The following FBXO34 variants were observed in gnomAD, a reference collection of about 807,000 sequenced individuals.
FBXO34 encodes F-box protein 34.
Under a neutral mutation model 24.5 loss-of-function variants are expected in FBXO34, and 12 were observed. That is an observed-to-expected ratio of 0.49 (90% CI 0.31 to 0.79). The LOEUF (loss-of-function observed/expected upper bound fraction) is 0.79, where lower values mean the gene tolerates loss of function less well. Ranked by LOEUF, FBXO34 falls within the 30% of genes least tolerant of loss-of-function variation. The pLI, the probability that FBXO34 is intolerant of heterozygous loss-of-function variation, is 0.04. For synonymous variants in FBXO34, 320 were observed against 311.9 expected, an observed-to-expected ratio of 1.03 and a Z score of -0.27; for missense variants, 823 against 857.7, an observed-to-expected ratio of 0.96 and a Z score of 0.51.
intron 1 of FBXO34, among the ~76,000 whole-genome samples, chr14:55,331,434 C>G (rs1247250800): frequency 6.6e-6 from 1 of 150,964 alleles, no homozygotes; most frequent in Non-Finnish European, 1.5e-5. Context: ...ATGTAATTTT[C>G]TAATTTCTAT....
intron 1 of FBXO34, among the ~76,000 whole-genome samples, chr14:55,295,585 G>A (rs192076372): frequency 1.4e-4 from 21 of 151,978 alleles, no homozygotes; most frequent in Non-Finnish European, 2.4e-4. Flanking sequence ...TAGTAGAGAC[G>A]GGGTTTTGCC....
chr14:55,339,384 C>CCCG (rs1555339082), intron 1 of FBXO34: 1 of 141,218 alleles, frequency 7.1e-6, no homozygotes, highest in South Asian at 2.6e-4. Context: ...ACCTGCCCCC[C>CCCG]CCCCCAATCC....
At chr14:55,427,034 T>C in the FBXO34 span, among the ~76,000 whole-genome samples, 1 of 152,200 alleles carries the variant, frequency 6.6e-6, no homozygotes, top group Non-Finnish European at 1.5e-5. Context: ...CTCTTGCAGA[T>C]GTACACTAAG....
chr14:55,393,110 G>A, the FBXO34 span, among the ~76,000 whole-genome samples: 34 of 152,160 alleles, frequency 2.2e-4, no homozygotes, highest in South Asian at 8.3e-4. Flanking sequence ...GACTGGGCGC[G>A]GTGGCTCACG....
intron 1 of FBXO34, among the ~76,000 whole-genome samples, chr14:55,325,547 C>T (rs1203726239): frequency 1.3e-5 from 2 of 152,110 alleles, no homozygotes; most frequent in East Asian, 3.9e-4. Context: ...GCGATCTCGG[C>T]TCATCGCAAC....
chr14:55,293,461 G>C (rs1403227536), intron 1 of FBXO34, among the ~76,000 whole-genome samples: 1 of 152,188 alleles, frequency 6.6e-6, no homozygotes, highest in African/African-American at 2.4e-5. Flanking sequence ...GGGATTACAG[G>C]CATAAGCCAC....
chr14:55,394,868 T>G, the FBXO34 span: 213 of 345,294 alleles, frequency 6.2e-4, 1 homozygote, highest in African/African-American at 3.8e-3. Flanking sequence ...CCCAAGACAG[T>G]AAAAGCCTCC....
the FBXO34 span, among the ~76,000 whole-genome samples, chr14:55,435,174 G>A: frequency 1.3e-5 from 2 of 152,092 alleles, no homozygotes; most frequent in African/African-American, 4.8e-5. Flanking sequence ...AATTGTAATG[G>A]AAAGATACAT....
At chr14:55,319,979 C>T (rs1029454457) in intron 1 of FBXO34, among the ~76,000 whole-genome samples, 3 of 152,062 alleles carry the variant, frequency 2.0e-5, no homozygotes, top group Non-Finnish European at 2.9e-5. Flanking sequence ...GCCAATTTTT[C>T]CTGAACTTTC....
At chr14:55,336,280 C>T (rs1187145147) in intron 1 of FBXO34, among the ~76,000 whole-genome samples, 1 of 152,112 alleles carries the variant, frequency 6.6e-6, no homozygotes, top group East Asian at 1.9e-4. Context: ...ATTTCCTGTT[C>T]AGTTTTCAGT....
chr14:55,359,312 C>A (rs1179956448), intron 3 of FBXO34, among the ~76,000 whole-genome samples: 1 of 152,148 alleles, frequency 6.6e-6, no homozygotes, highest in Non-Finnish European at 1.5e-5. Flanking sequence ...CCCTAGGAGG[C>A]CCTAAATGCA....
At chr14:55,384,461 A>C in the FBXO34 span, among the ~76,000 whole-genome samples, 4 of 152,234 alleles carry the variant, frequency 2.6e-5, no homozygotes, top group Non-Finnish European at 2.9e-5. Context: ...TCCTGCTAAT[A>C]TCTCTTTTGG....
chr14:55,324,189 A>G (rs10162552), intron 1 of FBXO34, among the ~76,000 whole-genome samples: 15,391 of 152,034 alleles, frequency 0.1, 2,152 homozygotes, highest in African/African-American at 0.31. Flanking sequence ...ATCATATAGT[A>G]TGTGCCTTTT....
chr14:55,361,822 TAA>T (rs1294370937), exon 4 of FBXO34: 1 of 152,260 alleles, frequency 6.6e-6, no homozygotes, highest in Non-Finnish European at 1.5e-5. Flanking sequence ...ATCAGAGAAT[TAA>T]AGAGATAGGG....
At chr14:55,294,552 A>G (rs1008247394) in intron 1 of FBXO34, among the ~76,000 whole-genome samples, 3 of 152,198 alleles carry the variant, frequency 2.0e-5, no homozygotes, top group Non-Finnish European at 2.9e-5. Context: ...GCCTCAAAAA[A>G]CATTTGCTAT....
intron 1 of FBXO34, among the ~76,000 whole-genome samples, chr14:55,318,948 ACT>A (rs1365733071): frequency 6.6e-6 from 1 of 151,654 alleles, no homozygotes; most frequent in Non-Finnish European, 1.5e-5. Flanking sequence ...AGTTGGTTAG[ACT>A]CTCATTGTGC....
intron 1 of FBXO34, among the ~76,000 whole-genome samples, chr14:55,274,271 G>T (rs945499763): frequency 1.1e-4 from 17 of 152,200 alleles, no homozygotes; most frequent in Non-Finnish European, 2.4e-4. Context: ...GTTAATAGGT[G>T]AAGAATAAAT....
chr14:55,430,696 C>G, the FBXO34 span, among the ~76,000 whole-genome samples: 2 of 152,182 alleles, frequency 1.3e-5, no homozygotes, highest in Non-Finnish European at 2.9e-5. Context: ...TGCACATGGC[C>G]ATCTGTTGAT....
chr14:55,428,281 TG>T, the FBXO34 span, among the ~76,000 whole-genome samples: 1 of 151,768 alleles, frequency 6.6e-6, no homozygotes, highest in East Asian at 1.9e-4. Flanking sequence ...AGGCGCCCGC[TG>T]CCACGCCCGG....
Sources: gnomAD v4.1 joint callset for allele counts (sites outside exome capture counted in the v4.1 genomes callset) on GRCh38, gnomAD v4.1.1 for gene constraint, MANE v1.5 for transcripts, NCBI Gene and HGNC (gene_info 2026-07-23, HGNC 2026-07-21) for gene names.